SPON2: variants seen among roughly 807,000 people sequenced by gnomAD.
SPON2 encodes the protein spondin 2, also known as spondin-2.
A neutral mutation model predicts 29.9 loss-of-function variants in SPON2; 32 were observed. The observed-to-expected ratio is 1.07, with a 90% CI of 0.81 to 1.44. The LOEUF is 1.44. Ranked by LOEUF, SPON2 falls within the 40% of genes most tolerant of loss-of-function variation. SPON2 has a pLI of 0.00. For missense variants in SPON2, 541 were observed against 455.5 expected, an observed-to-expected ratio of 1.19 and a Z score of -1.71; for synonymous variants, 248 against 209.1, an observed-to-expected ratio of 1.19 and a Z score of -1.61.
chr4:1,192,196 C>T (rs1345019980), intron 1 of SPON2, among the ~76,000 whole-genome samples: 16 of 152,356 alleles, frequency 1.1e-4, no homozygotes, highest in Middle Eastern at 3.4e-3. Flanking sequence ...GGTGACCTCA[C>T]CAGATGGCCC....
chr4:1,171,511 C>T (rs772542527), intron 2 of SPON2, 25 bp from the exon 3 acceptor site: 1 of 1,601,756 alleles, frequency 6.2e-7, no homozygotes, highest in Non-Finnish European at 8.5e-7. Flanking sequence ...GGCCGCGCCG[C>T]GGACCATGGT....
chr4:1,195,420 C>T (rs872894), upstream of SPON2, among the ~76,000 whole-genome samples: 4,978 of 152,134 alleles, frequency 0.033, 391 homozygotes, highest in Admixed American at 0.18. Context: ...GGGTCCCTCA[C>T]AGGCCGGCCA....
Position 1,190,761 on chromosome 4 carries a change from A to G in SPON2, c.-239+4229T>C, listed in dbSNP as rs377761484. On this transcript the variant is annotated intron_variant, in intron 1 of 3. Coordinates refer to the SPON2 transcript ENST00000502483. ...TTGGAGCTGAGAAATGAGTTCTGCAAGGCTGAAAATACAGACCAATATTAT... is the reference window on the plus strand; with the variant it reads ...TTGGAGCTGAGAAATGAGTTCTGCAGGGCTGAAAATACAGACCAATATTAT... 1.2e-3 allele frequency among the ~76,000 whole-genome samples: 186 copies of G among 152,362 alleles called. 4 individuals are homozygous for G. In the South Asian group the frequency reaches 0.037, roughly 30 times the overall value.
upstream of SPON2, chr4:1,208,689 T>C (rs1403209298): frequency 6.6e-6 from 1 of 152,308 alleles, no homozygotes; most frequent in Non-Finnish European, 1.5e-5. Context: ...GAACGGACTC[T>C]GGCCACGGTG....
chr4:1,193,630 A>G (rs1179183171), intron 1 of SPON2, among the ~76,000 whole-genome samples: 4 of 40,392 alleles, frequency 9.9e-5, no homozygotes, highest in South Asian at 1.7e-3. Context: ...TGGAGGGGGC[A>G]TGGGAAGGAT....
chr4:1,197,227 A>G (rs1728089151), upstream of SPON2: 1 of 152,258 alleles, frequency 6.6e-6, no homozygotes, highest in African/African-American at 2.4e-5. Flanking sequence ...CTCACGGGAA[A>G]CAGAGCTTCC....
chr4:1,170,876 C>T (rs1439455956), intron 4 of SPON2, 123 bp downstream of exon 4: 2 of 1,337,256 alleles, frequency 1.5e-6, no homozygotes, highest in African/African-American at 1.4e-5. Context: ...GAAGCAGAGC[C>T]TCTTCCACAC....
At chr4:1,201,167 G>A (rs569019214) in intron 1 of SPON2, 250 of 453,992 alleles carry the variant, frequency 5.5e-4, no homozygotes, top group Non-Finnish European at 1.0e-3. Context: ...CCAAATGCAG[G>A]TGCCCCAGTT....
At chr4:1,207,733 T>C (rs1484494959) in intron 1 of SPON2, 2 of 154,606 alleles carry the variant, frequency 1.3e-5, no homozygotes, top group African/African-American at 4.8e-5. Flanking sequence ...CCTAACCTTA[T>C]ATTGTTCAAG....
intron 1 of SPON2, among the ~76,000 whole-genome samples, chr4:1,186,015 C>T (rs544433047): frequency 4.5e-4 from 68 of 151,074 alleles, no homozygotes; most frequent in South Asian, 1.7e-3. Flanking sequence ...GAGGCCGAGG[C>T]GGGCGGATCA....
At chr4:1,179,232 G>A (rs1375419946) in intron 2 of SPON2, among the ~76,000 whole-genome samples, 1 of 92,442 alleles carries the variant, frequency 1.1e-5, no homozygotes, top group African/African-American at 2.7e-5. Flanking sequence ...CTCACGGGAG[G>A]GCCAGCAAAC....
chr4:1,204,733 G>A lies in SPON2; in HGVS notation c.-234+3147C>T, dbSNP rs779201159. ...CGCTGTGGCAGCCGGCCAGCACGAG[G>A]GACGGCACCTCGTGACGCCCAGGAC... On this transcript the variant is annotated intron_variant, in intron 1 of 3. Transcript: ENST00000509233. 9.8e-5 allele frequency among the ~76,000 whole-genome samples: 15 copies of A among 152,350 alleles called. No individual in the cohort carries two copies. In the South Asian group the frequency reaches 1.9e-3, roughly 19 times the overall value.
intron 1 of SPON2, chr4:1,200,928 C>G (rs913375270): frequency 2.2e-6 from 1 of 456,602 alleles, no homozygotes; most frequent in Non-Finnish European, 4.4e-6. Context: ...GATGTGGGCA[C>G]CCCCGTGCCC....
In SPON2 at chr4:1,172,048, G is replaced by T; in HGVS notation, c.24C>A (p.Ala8=). MENPSPA[A]ALGKALCALL... ...GAGCGCAGAGGGCCTTGCCCAGGGC[G>T]GCGGCCGGGCTGGGGTTTTCCATCA... Residue 8 remains alanine (A), a synonymous_variant, in exon 2 of 6, where the codon GCC becomes GCA. Transcript: ENST00000290902. 5 of 1,611,902 alleles carry T rather than the reference G, an allele frequency of 3.1e-6. No homozygotes were observed. Among genetic ancestry groups the T allele is most frequent in the Non-Finnish European group, 4.2e-6 (5 of 1,179,688 alleles).
intron 1 of SPON2, among the ~76,000 whole-genome samples, chr4:1,190,102 T>C (rs1172873586): frequency 6.6e-6 from 1 of 151,496 alleles, no homozygotes; most frequent in Non-Finnish European, 1.5e-5. Context: ...ATAGAAGACA[T>C]TACTAATGAC....
chr4:1,167,284 G>A lies in SPON2; in HGVS notation c.*188C>T, dbSNP rs1276292680. On this transcript the variant is annotated 3_prime_UTR_variant, in exon 6 of 6. Transcript: ENST00000290902. ...AAGAAGCAAGGTTGGGAAAGGAGGA[G>A]GCTGTTTCCCAATGCCCGTGCCGGC... 1.7e-6 allele frequency: 1 copy of A among 577,784 alleles called. No individual in the cohort carries two copies. Among genetic ancestry groups the A allele is most frequent in the Non-Finnish European group, 3.0e-6 (1 of 338,152 alleles). 35.8% of individuals were successfully genotyped at this position (577,784 alleles called of 1,614,324 possible). A position where few individuals can be genotyped will look rare whatever the true frequency, so the allele number is the denominator to read the frequency against.
chr4:1,196,093 G>GC (rs1728063568), upstream of SPON2, among the ~76,000 whole-genome samples: 1 of 152,106 alleles, frequency 6.6e-6, no homozygotes, highest in African/African-American at 2.4e-5. Context: ...CCCCATCGCT[G>GC]CCCCCCGACA....
At chr4:1,187,333 A>G (rs1275017911) in intron 1 of SPON2, among the ~76,000 whole-genome samples, 1 of 152,240 alleles carries the variant, frequency 6.6e-6, no homozygotes, top group African/African-American at 2.4e-5. Context: ...TCAGAGAGAC[A>G]GACAGCAGAT....
chr4:1,192,192 C>T (rs951400884), intron 1 of SPON2, among the ~76,000 whole-genome samples: 1 of 152,188 alleles, frequency 6.6e-6, no homozygotes, highest in African/African-American at 2.4e-5. Context: ...TGGGGGTGAC[C>T]TCACCAGATG....
Sources: allele counts gnomAD v4.1 joint callset (sites outside exome capture counted in the v4.1 genomes callset), GRCh38; gene constraint gnomAD v4.1.1; transcripts MANE v1.5; gene names NCBI Gene and HGNC (gene_info 2026-07-23, HGNC 2026-07-21).